The following HERC5 variants were observed in gnomAD, a reference collection of about 807,000 sequenced individuals.
The protein encoded by HERC5 is HECT and RLD domain containing E3 ubiquitin protein ligase 5, also known as E3 ISG15--protein ligase HERC5.
HERC5 carries 99 observed loss-of-function variants against 119.6 expected under a neutral mutation model. The ratio of observed to expected loss-of-function variants is 0.83; its 90% CI spans 0.70 to 0.98. HERC5 has a LOEUF of 0.98. Ranked by LOEUF, HERC5 falls within the 50% of genes least tolerant of loss-of-function variation. HERC5 has a pLI of 0.00. For missense variants in HERC5, 1,267 were observed against 1,241.3 expected (o/e 1.02, Z -0.31); for synonymous variants, 478 against 445.9 (o/e 1.07, Z -0.91).
At position 88,486,159 on chromosome 4, in the gene HERC5, A is replaced by G. The variant is rs973635622; in HGVS notation, c.1782A>G (p.Val594=). The change falls in exon 14 of 23, where the codon GTA becomes GTG. Residue 594 remains valine (V), a synonymous_variant. Coordinates refer to ENST00000264350, the MANE Select transcript of HERC5 (RefSeq NM_016323.4). The part of the protein sequence containing the change: ...KCQLPESIFQ[V]DELLHRLNFF... ...AACTACCTGAAAGTATTTTCCAAGT[A>G]GACGAACTCTTGCACCGTCTCAATT... 6.2e-7 allele frequency: 1 copy of G among 1,612,652 alleles called. No individual in the cohort carries two copies. Among genetic ancestry groups the G allele is most frequent in the Non-Finnish European group, 8.5e-7 (1 of 1,179,132 alleles).
intron 7 of HERC5, chr4:88,468,012 T>A: frequency 2.6e-6 from 1 of 382,796 alleles, no homozygotes; most frequent in Non-Finnish European, 3.6e-6. Flanking sequence ...AGTCATTGCT[T>A]AAATCTTGAA....
chr4:88,500,008 A>T lies in HERC5; in HGVS notation c.2511+16A>T. The T allele has an allele frequency of 6.8e-7, 1 of 1,481,390 alleles. No homozygotes were observed. The highest frequency in any genetic ancestry group is 9.4e-7 in the Non-Finnish European group (1 of 1,059,954). The allele number at this position is 1,481,390 out of a possible 1,614,324, so 91.8% of individuals were successfully genotyped here. A position where few individuals can be genotyped will look rare whatever the true frequency, so the allele number is the denominator to read the frequency against. On this transcript the variant is annotated intron_variant, in intron 19 of 22. Coordinates refer to ENST00000264350, the MANE Select transcript of HERC5 (RefSeq NM_016323.4). The stretch of plus-strand genomic sequence containing the variant: ...CCATTTTAATGTGAGTAACAATAAA[A>T]GCAGATAACAGATTAGTTTTAATCT...
chr4:88,499,323 A>G (rs1422280604), intron 18 of HERC5, among the ~76,000 whole-genome samples: 1 of 152,214 alleles, frequency 6.6e-6, no homozygotes, highest in Non-Finnish European at 1.5e-5. Context: ...AAATACAATG[A>G]GATGTGTTAT....
In HERC5 at chr4:88,459,475, G is replaced by T; in HGVS notation, c.389+5G>T. The T allele has an allele frequency of 6.6e-7, 1 of 1,514,346 alleles. No homozygotes were observed. The highest frequency in any genetic ancestry group is 8.8e-7 in the Non-Finnish European group (1 of 1,131,580). 93.8% of individuals were successfully genotyped at this position (1,514,346 alleles called of 1,614,324 possible). The stretch of plus-strand genomic sequence containing the variant: ...CTATAGCATGAAACATCTAAGGTAG[G>T]GAACTTTTTTCTTTTATTAAAAATT... On this transcript the variant is annotated splice_donor_5th_base_variant and intron_variant, in intron 2 of 22. Transcript: ENST00000264350.
intron 1 of HERC5, chr4:88,457,796 C>T (rs151062847): frequency 9.9e-6 from 7 of 706,056 alleles, no homozygotes; most frequent in Non-Finnish European, 1.4e-5. Context: ...ATGCGGGCAC[C>T]GTCTTCATCC....
intron 16 of HERC5, among the ~76,000 whole-genome samples, chr4:88,492,678 G>A (rs759384657): frequency 6.3e-4 from 96 of 152,044 alleles, no homozygotes; most frequent in African/African-American, 2.1e-3. Context: ...CCCAGGAGGC[G>A]GAGGTTGCAG....
chr4:88,482,320 A>T (rs1741305727), intron 13 of HERC5, among the ~76,000 whole-genome samples: 1 of 151,960 alleles, frequency 6.6e-6, no homozygotes, highest in Non-Finnish European at 1.5e-5. Context: ...AAAAAAAAAA[A>T]AAAAGGGAAA....
chr4:88,468,027 T>C (rs192317482), intron 7 of HERC5: 12 of 287,308 alleles, frequency 4.2e-5, no homozygotes, highest in African/African-American at 2.5e-4. Flanking sequence ...CTTGAAAACA[T>C]GGTTTTTAGT....
chr4:88,491,435 G>C (rs184002729), intron 16 of HERC5, among the ~76,000 whole-genome samples: 32 of 152,260 alleles, frequency 2.1e-4, no homozygotes, highest in Non-Finnish European at 4.4e-4. Context: ...GGACAGAAGT[G>C]TTAGGATAGA....
chr4:88,496,472 A>G (rs1741798381), intron 18 of HERC5, among the ~76,000 whole-genome samples: 2 of 152,250 alleles, frequency 1.3e-5, no homozygotes, highest in African/African-American at 4.8e-5. Context: ...AGAACAGACG[A>G]TAGAGCTCAG....
chr4:88,493,421 T>C (rs1400806135), intron 17 of HERC5, among the ~76,000 whole-genome samples: 1 of 152,092 alleles, frequency 6.6e-6, no homozygotes, highest in Non-Finnish European at 1.5e-5. Context: ...ACCCTCTCTT[T>C]TTTAGGTACT....
chr4:88,501,018 T>C (rs374791377), intron 20 of HERC5, 33 bp downstream of exon 20: 35 of 1,433,530 alleles, frequency 2.4e-5, no homozygotes, highest in Non-Finnish European at 3.1e-5. Context: ...TTGGTTTGTA[T>C]ATGTACTATT....
rs1287793408 is a variant in HERC5 at position 88,484,335 on chromosome 4, AT to A, written c.1738-1777del. The stretch of plus-strand genomic sequence containing the variant: ...TGTCTTTATGCTCATGTATGTTGTG[AT>A]TTGTGTATGTGTGAGAGCTGTCTGT... On this transcript the variant is annotated intron_variant, in intron 13 of 22. Transcript: ENST00000264350. 4.0e-5 allele frequency among the ~76,000 whole-genome samples: 6 copies of A among 151,862 alleles called. No homozygotes were observed. In the South Asian group the frequency reaches 8.3e-4, roughly 21 times the overall value.
In HERC5 at chr4:88,460,189, T is replaced by C. The variant is rs370627596; in HGVS notation, c.466+18T>C. The C allele has an allele frequency of 1.5e-6, 2 of 1,344,362 alleles. No individual in the cohort carries two copies. Among genetic ancestry groups the C allele is most frequent in the East Asian group, 4.7e-5 (2 of 42,996 alleles). The allele number at this position is 1,344,362 out of a possible 1,614,324, so 83.3% of individuals were successfully genotyped here. ...CTCAAAAGGTAATTTTTCTGTAATA[T>C]TAATAGTTTTGTAGAAGTAATACCT... On this transcript the variant is annotated intron_variant, in intron 3 of 22. Coordinates refer to ENST00000264350, the MANE Select transcript of HERC5 (RefSeq NM_016323.4).
intron 7 of HERC5, among the ~76,000 whole-genome samples, chr4:88,468,087 T>C (rs1473633077): frequency 6.6e-6 from 1 of 152,162 alleles, no homozygotes; most frequent in Non-Finnish European, 1.5e-5. Flanking sequence ...AATATTTGCA[T>C]TTTATATATA....
chr4:88,470,623 A>T lies in HERC5; in HGVS notation c.1248A>T (p.Gln416His). 6.6e-7 allele frequency: 1 copy of T among 1,511,310 alleles called. No homozygotes were observed. The highest frequency in any genetic ancestry group is 9.2e-7 in the Non-Finnish European group (1 of 1,091,650). The allele number at this position is 1,511,310 out of a possible 1,614,324, so 93.6% of individuals were successfully genotyped here. Residue 416 changes from glutamine (Q) to histidine (H), a missense_variant, in exon 10 of 23, where the codon CAA (glutamine) becomes CAT (histidine). Transcript: ENST00000264350. ...KRWQSTKREI[Q>H]EIFSSPACLT... ...CTTATTACTAATATAGGGAAATCCA[A>T]GAGATATTTTCATCTCCTGCTTGTC...
intron 19 of HERC5, 36 bp downstream of exon 19, chr4:88,500,028 T>C (rs1475038939): frequency 7.8e-7 from 1 of 1,278,398 alleles, no homozygotes; most frequent in East Asian, 2.3e-5. Context: ...AGATTAGTTT[T>C]AATCTGATTA....
At chr4:88,474,727 C>T (rs1038953923) in intron 11 of HERC5, among the ~76,000 whole-genome samples, 2 of 152,144 alleles carry the variant, frequency 1.3e-5, no homozygotes, top group Non-Finnish European at 1.5e-5. Context: ...TGACCTTGAG[C>T]AAGTTACTTA....
In HERC5 at chr4:88,504,519, A is replaced by G; in HGVS notation, c.2791A>G (p.Asn931Asp). 2 of 1,584,854 alleles carry G rather than the reference A, an allele frequency of 1.3e-6. No homozygotes were observed. Among genetic ancestry groups the G allele is most frequent in the Non-Finnish European group, 1.7e-6 (2 of 1,167,858 alleles). Residue 931 changes from asparagine to aspartate, a missense_variant, in exon 22 of 23, where the codon AAC (asparagine) becomes GAC (aspartate). Physicochemically the swap from Asn to Asp is conservative, Grantham distance 23. Coordinates refer to ENST00000264350, the MANE Select transcript of HERC5 (RefSeq NM_016323.4). ...GAATGCACGTTATGAACCAGGATAT[A>G]ACAGTTCACATCCCACCATAGTGAT... ...EKNARYEPGY[N>D]SSHPTIVMFW...
Sources: allele counts gnomAD v4.1 joint callset (sites outside exome capture counted in the v4.1 genomes callset), GRCh38; gene constraint gnomAD v4.1.1; transcripts MANE v1.5; gene names NCBI Gene and HGNC (gene_info 2026-07-23, HGNC 2026-07-21).